PSG8: variants seen among roughly 807,000 people sequenced by gnomAD.
PSG8 encodes pregnancy specific beta-1-glycoprotein 8, also known as pregnancy-specific beta-1-glycoprotein 8.
A neutral mutation model predicts 42.5 loss-of-function variants in PSG8; 57 were observed. That is an observed-to-expected ratio of 1.34 (90% CI 1.08 to 1.67). The LOEUF is 1.67. Ranked by LOEUF, PSG8 falls within the 40% of genes most tolerant of loss-of-function variation. The pLI is 0.00. For synonymous variants in PSG8, 280 were observed against 196.8 expected, an observed-to-expected ratio of 1.42 and a Z score of -3.54; for missense variants, 783 against 518.6, an observed-to-expected ratio of 1.51 and a Z score of -4.95.
chr19:42,756,520 A>G (rs1969931374), intron 3 of PSG8, among the ~76,000 whole-genome samples: 1 of 152,148 alleles, frequency 6.6e-6, no homozygotes, highest in Non-Finnish European at 1.5e-5. Flanking sequence ...TAGCATCCCA[A>G]ATCTGAAAGA....
In PSG8 at chr19:42,763,109, A is replaced by C. The variant is rs376477693; in HGVS notation, c.430+807T>G. ...AGTCACCTGACCTAATGCTTGGCAC[A>C]GTGGAGGTTTCACACAAATAGCATT... On this transcript the variant is annotated intron_variant, in intron 2 of 4. Transcript: ENST00000306511. Among the ~76,000 whole-genome samples, 16 of 152,336 alleles carry C rather than the reference A, an allele frequency of 1.1e-4. No homozygotes were observed. In the South Asian group the frequency reaches 1.7e-3, roughly 16 times the overall value.
At chr19:42,765,157 CTT>C (rs553763507) in intron 1 of PSG8, among the ~76,000 whole-genome samples, 5 of 143,080 alleles carry the variant, frequency 3.5e-5, no homozygotes, top group Admixed American at 1.4e-4. Flanking sequence ...TCTTTTTTCT[CTT>C]TTTTTTTTTT....
chr19:42,754,743 C>T (rs1221383908), intron 4 of PSG8, 156 bp from the exon 5 acceptor site: 1 of 1,312,522 alleles, frequency 7.6e-7, no homozygotes, highest in South Asian at 1.5e-5. Flanking sequence ...CTCAGGTATT[C>T]ACCTGTTTCT....
intron 3 of PSG8, among the ~76,000 whole-genome samples, chr19:42,757,144 G>A (rs1438523380): frequency 6.6e-6 from 1 of 151,970 alleles, no homozygotes; most frequent in African/African-American, 2.4e-5. Context: ...ATTGTTCATT[G>A]TTAGTGTATA....
At chr19:42,753,973 A>G (rs1372143978), downstream of PSG8, 7 of 629,314 alleles carry the variant, frequency 1.1e-5, no homozygotes, top group Non-Finnish European at 1.7e-5. Flanking sequence ...TTGAACTGCT[A>G]TAAGCTACAG....
At chr19:42,757,421 A>G (rs1157312350) in intron 3 of PSG8, among the ~76,000 whole-genome samples, 6 of 151,928 alleles carry the variant, frequency 3.9e-5, no homozygotes, top group Admixed American at 2.0e-4. Context: ...AGACCCCTCT[A>G]TATGTTTTAG....
At chr19:42,762,103 G>A (rs62112125) in intron 2 of PSG8, among the ~76,000 whole-genome samples, 58 of 148,552 alleles carry the variant, frequency 3.9e-4, no homozygotes, top group African/African-American at 8.4e-4. Context: ...CAGTGTTAGT[G>A]GGAAGGGAAC....
rs1224552667 is a variant in PSG8 at position 42,755,211 on chromosome 19, C to G, written c.765G>C (p.Lys255Asn). 5 of 1,611,882 alleles carry G rather than the reference C, an allele frequency of 3.1e-6. No homozygotes were observed. The highest frequency in any genetic ancestry group is 2.5e-6 in the Non-Finnish European group (3 of 1,179,806). ...TINNLKPREN[K>N]DVLNFTCEPK... ...GTTCACAGGTGAAGTTTAAGACATCCTTATTCTCCCTGGGTTTTAAGTTGT... is the reference window on the plus strand; with the variant it reads ...GTTCACAGGTGAAGTTTAAGACATCGTTATTCTCCCTGGGTTTTAAGTTGT... Residue 255 changes from lysine to asparagine, a missense_variant, in exon 4 of 5, where the codon AAG becomes AAC. Lys to Asn is a moderately conservative substitution (Grantham distance 94). Coordinates refer to ENST00000306511, the MANE Select transcript of PSG8 (RefSeq NM_182707.3).
At chr19:42,757,629 T>C (rs1346986515) in intron 3 of PSG8, among the ~76,000 whole-genome samples, 2 of 152,058 alleles carry the variant, frequency 1.3e-5, no homozygotes, top group African/African-American at 4.8e-5. Flanking sequence ...ACAGGCGATA[T>C]TTTCAGAGGG....
chr19:42,756,622 C>T (rs1969933556), intron 3 of PSG8, among the ~76,000 whole-genome samples: 1 of 151,050 alleles, frequency 6.6e-6, no homozygotes, highest in South Asian at 2.1e-4. Context: ...TATTCTTGCC[C>T]TTTTTTTTTC....
intron 3 of PSG8, chr19:42,755,533 G>T: frequency 2.7e-6 from 2 of 747,932 alleles, no homozygotes; most frequent in Non-Finnish European, 4.0e-6. Context: ...GTCAGTGGAA[G>T]TCACAGCCCC....
chr19:42,753,450 A>G (rs1715493501), downstream of PSG8: 1 of 767,152 alleles, frequency 1.3e-6, no homozygotes, highest in Non-Finnish European at 2.4e-6. Flanking sequence ...TACAGTTTTT[A>G]TTTTCCACAT....
chr19:42,762,618 A>G (rs1970106134), intron 2 of PSG8, among the ~76,000 whole-genome samples: 3 of 151,946 alleles, frequency 2.0e-5, no homozygotes, highest in African/African-American at 4.8e-5. Flanking sequence ...TGGGGAAAGA[A>G]AAGGTCCTCT....
intron 2 of PSG8, among the ~76,000 whole-genome samples, chr19:42,763,524 T>C (rs1381180331): frequency 2.0e-5 from 3 of 152,156 alleles, no homozygotes; most frequent in Non-Finnish European, 1.5e-5. Flanking sequence ...GACACTGTTC[T>C]GGGGGTGAGG....
downstream of PSG8, chr19:42,753,066 G>A: frequency 1.7e-6 from 1 of 598,702 alleles, no homozygotes; most frequent in East Asian, 2.8e-5. Flanking sequence ...AGCAAGGACA[G>A]TTAAGAGGGG....
intron 2 of PSG8, among the ~76,000 whole-genome samples, chr19:42,761,820 A>ATTTTTT (rs58868359): frequency 0.031 from 2,170 of 70,588 alleles, 220 homozygotes; most frequent in Non-Finnish European, 0.037. Flanking sequence ...CATTTCAATA[A>ATTTTTT]TTTTTTTTTT....
At chr19:42,760,905 A>C (rs1022460317) in intron 2 of PSG8, among the ~76,000 whole-genome samples, 4 of 152,076 alleles carry the variant, frequency 2.6e-5, no homozygotes, top group African/African-American at 9.7e-5. Flanking sequence ...CGAGTTGTTG[A>C]CTTTTGAGTT....
intron 2 of PSG8, among the ~76,000 whole-genome samples, chr19:42,759,862 C>G (rs1001261733): frequency 6.6e-6 from 1 of 152,042 alleles, no homozygotes; most frequent in Non-Finnish European, 1.5e-5. Flanking sequence ...CCATGAATTC[C>G]AGCAGGATCA....
Position 42,764,111 on chromosome 19 carries a change from T to C in PSG8, c.235A>G (p.Ile79Val). 1 of 1,613,864 alleles carries C rather than the reference T, an allele frequency of 6.2e-7. No individual in the cohort carries two copies. Among genetic ancestry groups the C allele is most frequent in the Non-Finnish European group, 8.5e-7 (1 of 1,179,866 alleles). Residue 79 changes from isoleucine (I) to valine (V), a missense_variant, in exon 2 of 5, where the codon ATT (isoleucine) becomes GTT (valine). Ile to Val is a conservative substitution (Grantham distance 29, BLOSUM62 3). Coordinates refer to ENST00000306511, the MANE Select transcript of PSG8 (RefSeq NM_182707.3). ...KGQIRDLYHY[I>V]TSYVVDGQII... ...TGACCGTCTACTACATATGATGTAA[T>C]GTAATGGTAGAGGTCCCTGATTTGC...
Sources: gnomAD v4.1 joint callset for allele counts (sites outside exome capture counted in the v4.1 genomes callset) on GRCh38, gnomAD v4.1.1 for gene constraint, MANE v1.5 for transcripts, NCBI Gene and HGNC (gene_info 2026-07-23, HGNC 2026-07-21) for gene names.